Variants in MAN2A1 observed in about 807,000 individuals in gnomAD.
MAN2A1 encodes the protein mannosidase alpha class 2A member 1.
Under a neutral mutation model 142.6 loss-of-function variants are expected in MAN2A1, and 76 were observed. The ratio of observed to expected loss-of-function variants is 0.53; its 90% confidence interval spans 0.44 to 0.65. The LOEUF is 0.65. MAN2A1 is among the 30% of genes least tolerant of loss of function. The pLI is 0.00. For missense variants in MAN2A1, 1,311 were observed against 1,365.1 expected, an observed-to-expected ratio of 0.96 and a Z score of 0.62; for synonymous variants, 559 against 473.2, an observed-to-expected ratio of 1.18 and a Z score of -2.35.
chr5:109,788,235 T>C (rs901889550), intron 10 of MAN2A1, among the ~76,000 whole-genome samples: 4 of 133,362 alleles, frequency 3.0e-5, no homozygotes, highest in Non-Finnish European at 6.5e-5. Context: ...AAAAAAAAAA[T>C]CTTCAAGCAA....
intron 16 of MAN2A1, among the ~76,000 whole-genome samples, chr5:109,834,337 A>C (rs944659146): frequency 6.6e-6 from 1 of 151,928 alleles, no homozygotes; most frequent in African/African-American, 2.4e-5. Flanking sequence ...GACCTTATTT[A>C]TTTTATCTAT....
At chr5:109,731,617 T>G (rs1434376662) in intron 4 of MAN2A1, among the ~76,000 whole-genome samples, 2 of 149,378 alleles carry the variant, frequency 1.3e-5, no homozygotes, top group Non-Finnish European at 3.0e-5. Flanking sequence ...TGGTGTTTGG[T>G]TTTTTGTCCT....
chr5:109,735,964 C>T (rs928964783), intron 4 of MAN2A1, among the ~76,000 whole-genome samples: 5 of 138,748 alleles, frequency 3.6e-5, no homozygotes, highest in Admixed American at 7.8e-5. Context: ...ATATTTTCTA[C>T]CAGTACTGGG....
Position 109,817,256 on chromosome 5 carries a change from A to C in MAN2A1, c.1944-17A>C. 6.2e-7 allele frequency: 1 copy of C among 1,611,504 alleles called. No homozygotes were observed. The highest frequency in any genetic ancestry group is 8.5e-7 in the Non-Finnish European group (1 of 1,178,514). ...AAATATTTTGAGATCCCAATAATGA[A>C]GCAGCTGTTTTTGCAGGTACCTTGT... On this transcript the variant is annotated splice_polypyrimidine_tract_variant and intron_variant, in intron 12 of 21. Transcript: ENST00000261483.
At chr5:109,806,850 A>G (rs577646013) in intron 12 of MAN2A1, among the ~76,000 whole-genome samples, 36 of 152,282 alleles carry the variant, frequency 2.4e-4, no homozygotes, top group African/African-American at 8.4e-4. Flanking sequence ...CCTTGGACAA[A>G]TGGCTCTCCA....
intron 20 of MAN2A1, 90 bp from the exon 21 acceptor site, chr5:109,864,945 TG>T: frequency 1.1e-6 from 1 of 890,400 alleles, no homozygotes; most frequent in Non-Finnish European, 1.9e-6. Flanking sequence ...AATGTGCTTT[TG>T]GATGCTGACA....
intron 8 of MAN2A1, among the ~76,000 whole-genome samples, chr5:109,776,618 G>A (rs1387728304): frequency 6.6e-6 from 1 of 152,106 alleles, no homozygotes; most frequent in Non-Finnish European, 1.5e-5. Flanking sequence ...TTAAAAAATT[G>A]AAGTGCCACA....
At chr5:109,749,321 T>A (rs1343884814) in intron 4 of MAN2A1, among the ~76,000 whole-genome samples, 1 of 152,124 alleles carries the variant, frequency 6.6e-6, no homozygotes, top group Non-Finnish European at 1.5e-5. Context: ...CTTGTTGTGC[T>A]TTGCAGTAAA....
chr5:109,816,822 G>T (rs972447193), intron 12 of MAN2A1, among the ~76,000 whole-genome samples: 2 of 152,058 alleles, frequency 1.3e-5, no homozygotes, highest in African/African-American at 4.8e-5. Flanking sequence ...TCTTCCATTT[G>T]TAAAGCATTA....
intron 7 of MAN2A1, among the ~76,000 whole-genome samples, chr5:109,772,691 G>A (rs530012298): frequency 1.3e-5 from 2 of 152,058 alleles, no homozygotes; most frequent in Non-Finnish European, 2.9e-5. Flanking sequence ...AAAAAATTTT[G>A]TAGTGACGAG....
At chr5:109,741,102 A>G (rs1030634293) in intron 4 of MAN2A1, among the ~76,000 whole-genome samples, 4 of 152,186 alleles carry the variant, frequency 2.6e-5, no homozygotes, top group African/African-American at 9.7e-5. Flanking sequence ...TGTCTCACTC[A>G]GATTCCTTCT....
intron 1 of MAN2A1, chr5:109,699,578 A>G (rs1466104674): frequency 7.6e-6 from 1 of 131,840 alleles, no homozygotes; most frequent in African/African-American, 3.2e-5. Flanking sequence ...CTTGATAAAT[A>G]TATACAATTT....
intron 10 of MAN2A1, among the ~76,000 whole-genome samples, chr5:109,786,999 G>A (rs536054983): frequency 3.9e-5 from 6 of 151,976 alleles, no homozygotes; most frequent in South Asian, 2.1e-4. Context: ...ACAATAGATC[G>A]AATGTGTATA....
chr5:109,766,545 G>A (rs1752996357), intron 5 of MAN2A1, among the ~76,000 whole-genome samples: 1 of 152,064 alleles, frequency 6.6e-6, no homozygotes, highest in Non-Finnish European at 1.5e-5. Context: ...CAAAGTTCTA[G>A]TTCTCTTTGT....
At chr5:109,765,521 T>C (rs1035474430) in intron 5 of MAN2A1, among the ~76,000 whole-genome samples, 7 of 152,158 alleles carry the variant, frequency 4.6e-5, no homozygotes, top group South Asian at 4.1e-4. Context: ...AAGGTTTGTC[T>C]GCTAAGTTTC....
chr5:109,810,867 C>T (rs1354178616), intron 12 of MAN2A1, among the ~76,000 whole-genome samples: 2 of 152,108 alleles, frequency 1.3e-5, no homozygotes, highest in Non-Finnish European at 2.9e-5. Flanking sequence ...TACTCCATTT[C>T]CCCTGGAAGT....
intron 21 of MAN2A1, 40 bp downstream of exon 21, chr5:109,865,186 T>C (rs750140512): frequency 7.3e-7 from 1 of 1,361,710 alleles, no homozygotes; most frequent in South Asian, 1.2e-5. Context: ...GTTAGTGTGC[T>C]TTGAAATCCT....
At chr5:109,749,563 A>G (rs921593324) in intron 4 of MAN2A1, among the ~76,000 whole-genome samples, 9 of 152,042 alleles carry the variant, frequency 5.9e-5, no homozygotes, top group Non-Finnish European at 5.9e-5. Flanking sequence ...TGTTAGATAA[A>G]CATATACCTT....
rs62378760 is a variant in MAN2A1 at position 109,784,894 on chromosome 5, A to C, written c.1728A>C (p.Ala576=). 5 of 1,606,426 alleles carry C rather than the reference A, an allele frequency of 3.1e-6. No homozygotes were observed. Among genetic ancestry groups the C allele is most frequent in the Non-Finnish European group, 2.5e-6 (3 of 1,177,714 alleles). Residue 576 remains alanine, a synonymous_variant, in exon 10 of 22, where the codon GCA becomes GCC. Transcript: ENST00000261483. ...FQHHDAITGT[A]KDWVVVDYGT... ...ATCATGATGCTATCACAGGAACTGC[A>C]AAAGACTGGGTGGTTGTGGATTATG...
Sources: allele counts gnomAD v4.1 joint callset (sites outside exome capture counted in the v4.1 genomes callset), GRCh38; gene constraint gnomAD v4.1.1; transcripts MANE v1.5; gene names NCBI Gene and HGNC (gene_info 2026-07-23, HGNC 2026-07-21).